The following WFDC3 variants were observed in gnomAD, a reference collection of about 807,000 sequenced individuals.
The protein encoded by WFDC3 is WAP four-disulfide core domain 3, also known as WAP four-disulfide core domain protein 3.
A neutral mutation model predicts 25.8 loss-of-function variants in WFDC3; 15 were observed. The ratio of observed to expected loss-of-function variants is 0.58; its 90% confidence interval spans 0.39 to 0.89. The LOEUF (loss-of-function observed/expected upper bound fraction) is 0.89. Among genes scored for constraint, WFDC3 ranks in the 40% least tolerant of loss-of-function variants. The pLI is 0.00. For missense variants in WFDC3, 264 were observed against 289.8 expected (o/e 0.91, Z 0.65); for synonymous variants, 103 against 107.1 (o/e 0.96, Z 0.24).
rs746469630 is a variant in WFDC3 at position 45,775,465 on chromosome 20, T to C, written c.631A>G (p.Lys211Glu). 1.9e-6 allele frequency: 3 copies of C among 1,614,174 alleles called. No individual in the cohort carries two copies. Among genetic ancestry groups the C allele is most frequent in the South Asian group, 1.1e-5 (1 of 91,080 alleles). ...GTCCAGTTGGGGTTCATGGTCAGTTTTGGGGGCAGGACTGGTGGGACACAG... is the reference window on the plus strand; with the variant it reads ...GTCCAGTTGGGGTTCATGGTCAGTTCTGGGGGCAGGACTGGTGGGACACAG... Reference protein sequence around the residue: ...RFCVPPVLPPKLTMNPNWTVR... With the variant: ...RFCVPPVLPPELTMNPNWTVR... The change falls in exon 6 of 7, where the codon AAA becomes GAA. Residue 211 changes from lysine (K) to glutamate (E), a missense_variant. Transcript: ENST00000243938.
rs1568701784 is a variant in WFDC3 at position 45,789,022 on chromosome 20, G to T, written c.120C>A (p.Cys40Ter). The T allele has an allele frequency of 1.9e-6, 3 of 1,613,626 alleles. No individual in the cohort carries two copies. The highest frequency in any genetic ancestry group is 2.5e-6 in the Non-Finnish European group (3 of 1,179,908). Residue 40 changes from cysteine to a stop codon, truncating the protein, a stop_gained, in exon 3 of 7, where the codon TGC (cysteine) becomes TGA (stop). Coordinates refer to ENST00000243938, the MANE Select transcript of WFDC3 (RefSeq NM_080614.2). LOFTEE classifies it high-confidence loss of function. Reference protein sequence around the residue: ...EGECPPHKNPCKELCQGDELC... With the variant: ...EGECPPHKNP ...ATTCATCACCCTGGCACAGCTCTTT[G>T]CATGGGTTCTTATGGGGAGGGCATT... is the stretch of plus-strand genomic sequence containing the variant.
chr20:45,790,575 A>C (rs1182512298), intron 1 of WFDC3, among the ~76,000 whole-genome samples: 1 of 152,114 alleles, frequency 6.6e-6, no homozygotes, highest in East Asian at 1.9e-4. Flanking sequence ...AAATACAAAA[A>C]TCAGCTGGGC....
intron 5 of WFDC3, among the ~76,000 whole-genome samples, 185 bp downstream of exon 5, chr20:45,776,890 C>T (rs182677643): frequency 2.6e-5 from 4 of 152,196 alleles, no homozygotes; most frequent in Admixed American, 2.0e-4. Flanking sequence ...CCTACTGCCC[C>T]ACAGTGCCTT....
Position 45,789,971 on chromosome 20 carries a change from A to AT in WFDC3, c.4dup (p.Met2AsnfsTer36). On this transcript the variant is annotated frameshift_variant, in exon 2 of 7. Coordinates refer to ENST00000243938, the MANE Select transcript of WFDC3 (RefSeq NM_080614.2). LOFTEE classifies it high-confidence loss of function. Reference sequence around the variant, plus strand: ...CTTCAGAAGAAAGAGGCAGCTTAACATCATGATGATGCTGAGAGTTGGGAC... The same window carrying AT: ...CTTCAGAAGAAAGAGGCAGCTTAACATTCATGATGATGCTGAGAGTTGGGAC... The AT allele has an allele frequency of 6.2e-7, 1 of 1,614,066 alleles. No individual in the cohort carries two copies. Among genetic ancestry groups the AT allele is most frequent in the Non-Finnish European group, 8.5e-7 (1 of 1,179,938 alleles).
chr20:45,790,592 G>A (rs998277935), intron 1 of WFDC3, among the ~76,000 whole-genome samples: 1 of 152,158 alleles, frequency 6.6e-6, no homozygotes, highest in African/African-American at 2.4e-5. Flanking sequence ...GGGCATGCTG[G>A]TGCATGCCTG....
intron 4 of WFDC3, among the ~76,000 whole-genome samples, chr20:45,786,760 A>C (rs1980683555): frequency 6.6e-6 from 1 of 152,122 alleles, no homozygotes; most frequent in African/African-American, 2.4e-5. Flanking sequence ...TGTTTCCCAC[A>C]GGAGACAGCC....
At chr20:45,790,284 G>T (rs1175047739) in intron 1 of WFDC3, among the ~76,000 whole-genome samples, 4 of 152,136 alleles carry the variant, frequency 2.6e-5, no homozygotes, top group Non-Finnish European at 4.4e-5. Flanking sequence ...TGGAGGGGTG[G>T]CCATTGGAAA....
In WFDC3 at chr20:45,790,190, G is replaced by A. The variant is rs1980890669; in HGVS notation, c.-7-208C>T. 8 of 501,782 alleles carry A rather than the reference G, an allele frequency of 1.6e-5. No homozygotes were observed. In the East Asian group the frequency reaches 2.7e-4, roughly 17 times the overall value. The allele number at this position is 501,782 out of a possible 1,614,324, so 31.1% of individuals were successfully genotyped here. A position where few individuals can be genotyped will look rare whatever the true frequency, so the allele number is the denominator to read the frequency against. ...GAAAATTCCTGGCACTACCAAAGGG[G>A]ACCTGTGATGGGAGGATCAAATTCT... On this transcript the variant is annotated intron_variant, in intron 1 of 6. Coordinates refer to ENST00000243938, the MANE Select transcript of WFDC3 (RefSeq NM_080614.2).
intron 4 of WFDC3, among the ~76,000 whole-genome samples, chr20:45,782,166 C>CCA (rs1397562168): frequency 6.6e-6 from 1 of 152,082 alleles, no homozygotes; most frequent in African/African-American, 2.4e-5. Flanking sequence ...ACCTCTTCCC[C>CCA]CAGGTTGTCC....
intron 2 of WFDC3, 130 bp downstream of exon 2, chr20:45,789,764 G>C: frequency 1.3e-6 from 1 of 756,334 alleles, no homozygotes; most frequent in South Asian, 1.7e-5. Flanking sequence ...TATTCATCCA[G>C]TCCTGTCCTA....
chr20:45,781,557 T>C (rs905732935), intron 4 of WFDC3, among the ~76,000 whole-genome samples: 2 of 152,108 alleles, frequency 1.3e-5, no homozygotes, highest in African/African-American at 4.8e-5. Context: ...CCAGAGGAAA[T>C]CAGGTGCTGA....
chr20:45,775,354 C>A (rs6065887), intron 6 of WFDC3, 63 bp downstream of exon 6: 1 of 1,574,418 alleles, frequency 6.4e-7, no homozygotes, highest in Non-Finnish European at 8.6e-7. Flanking sequence ...TTCCCAGCAC[C>A]TAAGCCAGTG....
chr20:45,790,240 G>C (rs1980893184), intron 1 of WFDC3, among the ~76,000 whole-genome samples: 1 of 152,128 alleles, frequency 6.6e-6, no homozygotes, highest in South Asian at 2.1e-4. Context: ...CAATATTCCT[G>C]GATGATGAGA....
rs1832490852 is a variant in WFDC3 at position 45,788,466 on chromosome 20, T to TTTACTA, written c.211+464_211+465insTAGTAA. 6.3e-5 allele frequency: 10 copies of TTTACTA among 157,764 alleles called. No individual in the cohort carries two copies. The South Asian group carries it at 2.0e-3, about 31-fold the overall frequency. 9.8% of individuals were successfully genotyped at this position (157,764 alleles called of 1,614,324 possible). A position where few individuals can be genotyped will look rare whatever the true frequency, so the allele number is the denominator to read the frequency against. ...ATAACAACAATAGTAATAGCAAATA[T>TTTACTA]TTACTGTAACATTTACTGACGTTTA... On this transcript the variant is annotated intron_variant, in intron 3 of 6. Transcript: ENST00000243938.
chr20:45,776,660 A>ATGTGTGTGTGTGTGTGTGTGTG (rs1555812785), intron 5 of WFDC3, among the ~76,000 whole-genome samples: 4 of 93,304 alleles, frequency 4.3e-5, no homozygotes, highest in African/African-American at 1.7e-4. Flanking sequence ...ATATATATAT[A>ATGTGTGTGTGTGTGTGTGTGTG]TGTGTGTGTG....
chr20:45,778,234 A>T (rs1240545716), intron 4 of WFDC3, among the ~76,000 whole-genome samples: 1 of 152,210 alleles, frequency 6.6e-6, no homozygotes, highest in Non-Finnish European at 1.5e-5. Flanking sequence ...AAGAGAGGTC[A>T]TCCTGGACGT....
chr20:45,787,724 T>TA, intron 4 of WFDC3, 112 bp downstream of exon 4: 3 of 1,375,070 alleles, frequency 2.2e-6, no homozygotes, highest in Non-Finnish European at 2.9e-6. Context: ...CTTTTTTTTT[T>TA]AAGGTCTTAG....
rs1980803609 is a variant in WFDC3, at chr20:45,788,802, A to G, written c.211+129T>C. The stretch of plus-strand genomic sequence containing the variant: ...AAAGGAGGAGGGACCCTAAAAGAGT[A>G]AAGAAGAAGTACTCTAGGCAAGGGA... On this transcript the variant is annotated intron_variant, in intron 3 of 6. Coordinates refer to ENST00000243938, the MANE Select transcript of WFDC3 (RefSeq NM_080614.2). The G allele has an allele frequency of 9.2e-6, 12 of 1,311,464 alleles. No homozygotes were observed. The East Asian group carries it at 2.8e-4, about 31-fold the overall frequency. The allele number at this position is 1,311,464 out of a possible 1,614,324, so 81.2% of individuals were successfully genotyped here.
intron 3 of WFDC3, 44 bp from the exon 4 acceptor site, chr20:45,788,026 G>A (rs375500823): frequency 2.3e-5 from 37 of 1,590,602 alleles, no homozygotes; most frequent in African/African-American, 1.7e-4. Context: ...AAAATAGGCC[G>A]AGCGCCATGG....
Sources: gnomAD v4.1 joint callset for allele counts (sites outside exome capture counted in the v4.1 genomes callset) on GRCh38, gnomAD v4.1.1 for gene constraint, MANE v1.5 for transcripts, NCBI Gene and HGNC (gene_info 2026-07-23, HGNC 2026-07-21) for gene names.